CAMTA1: variants seen among roughly 807,000 people sequenced by gnomAD.
CAMTA1 encodes calmodulin-binding transcription activator 1.
CAMTA1 carries 27 observed loss-of-function variants against 170.9 expected under a neutral mutation model. That is an observed-to-expected ratio of 0.16 (90% CI 0.12 to 0.22). The LOEUF is 0.22. CAMTA1 is among the 10% of genes least tolerant of loss of function. CAMTA1 has a pLI of 1.00. For missense variants in CAMTA1, 1,619 were observed against 2,217.2 expected (o/e 0.73, Z 5.42); for synonymous variants, 833 against 891.5 (o/e 0.93, Z 1.17).
At chr1:7,623,094 CA>C (rs1439919645) in intron 6 of CAMTA1, among the ~76,000 whole-genome samples, 1 of 152,220 alleles carries the variant, frequency 6.6e-6, no homozygotes, top group South Asian at 2.1e-4. Context: ...CACCCACCCC[CA>C]TTTTTTATGC....
chr1:7,047,343 C>T (rs1044775948), intron 3 of CAMTA1, among the ~76,000 whole-genome samples: 1 of 152,204 alleles, frequency 6.6e-6, no homozygotes, highest in African/African-American at 2.4e-5. Flanking sequence ...GACAAGGTTA[C>T]ACTTCAGCAC....
At chr1:7,061,090 C>T (rs1708131201) in intron 3 of CAMTA1, among the ~76,000 whole-genome samples, 1 of 152,202 alleles carries the variant, frequency 6.6e-6, no homozygotes, top group African/African-American at 2.4e-5. Context: ...AACAGACTGT[C>T]CAGGAACAGG....
At chr1:7,589,715 G>T (rs1266550065) in intron 6 of CAMTA1, among the ~76,000 whole-genome samples, 1 of 152,164 alleles carries the variant, frequency 6.6e-6, no homozygotes, top group Non-Finnish European at 1.5e-5. Context: ...TGAGGCCTCT[G>T]GACAGACCCC....
chr1:7,416,458 T>C (rs1248261843), intron 5 of CAMTA1, among the ~76,000 whole-genome samples: 4 of 152,214 alleles, frequency 2.6e-5, no homozygotes, highest in Non-Finnish European at 5.9e-5. Flanking sequence ...TTTTTTCGTT[T>C]CTTTTTATTC....
At chr1:7,705,808 G>A (rs534820501) in intron 11 of CAMTA1, among the ~76,000 whole-genome samples, 15 of 152,328 alleles carry the variant, frequency 9.8e-5, no homozygotes, top group African/African-American at 3.6e-4. Context: ...GCACAGGGCA[G>A]TCCTGAAAGT....
At chr1:6,834,818 G>A (rs1311733038) in intron 3 of CAMTA1, among the ~76,000 whole-genome samples, 1 of 151,996 alleles carries the variant, frequency 6.6e-6, no homozygotes, top group Non-Finnish European at 1.5e-5. Flanking sequence ...CATTGTTTTT[G>A]GAGATGGAAT....
At chr1:7,439,313 C>A (rs1344996087) in intron 5 of CAMTA1, among the ~76,000 whole-genome samples, 2 of 152,196 alleles carry the variant, frequency 1.3e-5, no homozygotes, top group African/African-American at 2.4e-5. Context: ...CCATCGTTGG[C>A]TGCGACTCTG....
intron 5 of CAMTA1, among the ~76,000 whole-genome samples, chr1:7,416,277 T>C (rs915414348): frequency 2.0e-5 from 3 of 152,182 alleles, no homozygotes; most frequent in Non-Finnish European, 2.9e-5. Flanking sequence ...TGTGGCATTC[T>C]CTGTATTTCC....
chr1:7,013,373 C>T (rs960922458), intron 3 of CAMTA1, among the ~76,000 whole-genome samples: 6 of 151,844 alleles, frequency 4.0e-5, no homozygotes, highest in African/African-American at 1.2e-4. Flanking sequence ...CCACCATGCC[C>T]GGCTAATTTT....
intron 6 of CAMTA1, among the ~76,000 whole-genome samples, chr1:7,533,917 A>C (rs1054412716): frequency 9.3e-5 from 14 of 150,912 alleles, no homozygotes; most frequent in East Asian, 1.9e-4. Context: ...TTGTCCCCCC[A>C]AAAAAAAATG....
chr1:6,911,949 T>G (rs1027405204), intron 3 of CAMTA1, among the ~76,000 whole-genome samples: 2 of 152,188 alleles, frequency 1.3e-5, no homozygotes, highest in Admixed American at 1.3e-4. Context: ...ATCAACTCCC[T>G]TTGTCTTCCT....
In CAMTA1 at chr1:7,300,505, C is replaced by T. The variant is rs964583634; in HGVS notation, c.438+50879C>T. Among the ~76,000 whole-genome samples, 9 of 152,094 alleles carry T rather than the reference C, an allele frequency of 5.9e-5. No individual in the cohort carries two copies. Among genetic ancestry groups the T allele is most frequent in the African/African-American group, 1.7e-4 (7 of 41,418 alleles). On this transcript the variant is annotated intron_variant, in intron 5 of 22. Coordinates refer to ENST00000303635, the MANE Select transcript of CAMTA1 (RefSeq NM_015215.4). The surrounding 1 kb of genome is among the most constrained non-coding windows in gnomAD (Gnocchi z 4.1). The stretch of plus-strand genomic sequence containing the variant: ...CAGCCTGGCCAACATGGTGAAACCC[C>T]GTCTCTACTAAAAATACAAAAATTA...
chr1:7,568,228 C>A (rs1235247995), intron 6 of CAMTA1, among the ~76,000 whole-genome samples: 3 of 147,964 alleles, frequency 2.0e-5, no homozygotes, highest in African/African-American at 7.5e-5. Context: ...ATCACCACCA[C>A]CATCCATCAT....
chr1:7,323,355 C>T (rs1038575144), intron 5 of CAMTA1, among the ~76,000 whole-genome samples: 1 of 151,888 alleles, frequency 6.6e-6, no homozygotes, highest in Admixed American at 6.6e-5. Context: ...TCCAGATATC[C>T]ATGTGGCTTG....
chr1:7,459,995 G>A (rs2093044857), intron 5 of CAMTA1, among the ~76,000 whole-genome samples: 1 of 152,252 alleles, frequency 6.6e-6, no homozygotes, highest in Non-Finnish European at 1.5e-5. Flanking sequence ...AATACACAGA[G>A]TCTGGACCAG....
intron 6 of CAMTA1, among the ~76,000 whole-genome samples, chr1:7,574,415 C>A (rs956696135): frequency 1.3e-5 from 2 of 152,196 alleles, no homozygotes; most frequent in Non-Finnish European, 2.9e-5. Flanking sequence ...TTGGGGAACA[C>A]GTGGCACCTC....
At chr1:7,097,044 C>T (rs896286844) in intron 4 of CAMTA1, among the ~76,000 whole-genome samples, 1 of 152,190 alleles carries the variant, frequency 6.6e-6, no homozygotes, top group East Asian at 1.9e-4. Flanking sequence ...ATTGCCCTCA[C>T]CTCGAATGCC....
At chr1:7,480,108 C>CGTGTGTGT (rs60946478) in intron 6 of CAMTA1, among the ~76,000 whole-genome samples, 3 of 145,216 alleles carry the variant, frequency 2.1e-5, no homozygotes, top group African/African-American at 7.6e-5. Flanking sequence ...TGTGTGAGAG[C>CGTGTGTGT]GTGTGTGTGT....
rs889346831 is a variant in CAMTA1, at chr1:7,575,277, A to T, written c.511-65123A>T. 2.0e-5 allele frequency among the ~76,000 whole-genome samples: 3 copies of T among 152,146 alleles called. No homozygotes were observed. In the East Asian group the frequency reaches 5.8e-4, roughly 29 times the overall value. On this transcript the variant is annotated intron_variant, in intron 6 of 22. Transcript: ENST00000303635. The stretch of plus-strand genomic sequence containing the variant: ...TAGCCTGAGCTGTGCCTCTGCACTG[A>T]ATTCCTCTACCCCACACTGCCCCGA...
Sources: gnomAD v4.1 joint callset for allele counts (sites outside exome capture counted in the v4.1 genomes callset) on GRCh38, gnomAD v4.1.1 for gene constraint, Gnocchi (gnomAD v3.1) non-coding constraint, MANE v1.5 for transcripts, NCBI Gene and HGNC (gene_info 2026-07-23, HGNC 2026-07-21) for gene names.